Variants in ZNRF3 observed in about 807,000 individuals in gnomAD.
ZNRF3 encodes zinc and ring finger 3, also known as E3 ubiquitin-protein ligase ZNRF3.
Under a neutral mutation model 72.5 loss-of-function variants are expected in ZNRF3, and 23 were observed. The ratio of observed to expected loss-of-function variants is 0.32; its 90% CI spans 0.23 to 0.45. The LOEUF is 0.45. Among genes scored for constraint, ZNRF3 ranks in the 20% least tolerant of loss-of-function variants. The pLI is 1.00. For missense variants in ZNRF3, 1,169 were observed against 1,272.1 expected, an observed-to-expected ratio of 0.92 and a Z score of 1.23; for synonymous variants, 610 against 545.3, an observed-to-expected ratio of 1.12 and a Z score of -1.65.
intron 1 of ZNRF3, 81 bp downstream of exon 1, chr22:28,884,147 G>A: frequency 9.9e-7 from 1 of 1,011,998 alleles, no homozygotes; most frequent in Non-Finnish European, 1.2e-6. Flanking sequence ...CCCGCCGCGG[G>A]CTGCCTGACT....
chr22:29,044,686 C>A, intron 4 of ZNRF3, 94 bp from the exon 5 acceptor site: 1 of 846,348 alleles, frequency 1.2e-6, no homozygotes, highest in Non-Finnish European at 2.0e-6. Context: ...ATCCCGGTCA[C>A]CCCATCTTTA....
chr22:28,967,491 G>A (rs1003632872), intron 1 of ZNRF3, among the ~76,000 whole-genome samples: 3 of 152,224 alleles, frequency 2.0e-5, no homozygotes, highest in Non-Finnish European at 2.9e-5. Flanking sequence ...AAGTAGAACC[G>A]TGGACAGAAA....
At chr22:29,016,269 T>C (rs2064084) in intron 2 of ZNRF3, among the ~76,000 whole-genome samples, 81,396 of 151,940 alleles carry the variant, frequency 0.54, 22,072 homozygotes, top group African/African-American at 0.6. Flanking sequence ...GGTGAAGTGG[T>C]ATGTGACTGC....
At chr22:29,034,667 C>T (rs2036831868) in intron 2 of ZNRF3, among the ~76,000 whole-genome samples, 1 of 152,202 alleles carries the variant, frequency 6.6e-6, no homozygotes, top group African/African-American at 2.4e-5. Flanking sequence ...AGTAGATGCA[C>T]TTTGGGAAAG....
At chr22:28,974,383 C>T (rs1180818383) in intron 1 of ZNRF3, among the ~76,000 whole-genome samples, 1 of 152,176 alleles carries the variant, frequency 6.6e-6, no homozygotes, top group Non-Finnish European at 1.5e-5. Context: ...TTTTGGTCAC[C>T]TGTCCTGTCA....
At chr22:29,023,078 T>A (rs181626877) in intron 2 of ZNRF3, among the ~76,000 whole-genome samples, 13 of 152,338 alleles carry the variant, frequency 8.5e-5, no homozygotes, top group Non-Finnish European at 1.9e-4. Context: ...TCAAATTTCC[T>A]GGTACAGGAA....
At chr22:28,937,216 T>TATATATATATATA (rs1491324971) in intron 1 of ZNRF3, among the ~76,000 whole-genome samples, 8 of 2,162 alleles carry the variant, frequency 3.7e-3, no homozygotes, top group Admixed American at 0.018. Context: ...TATATATATA[T>TATATATATATATA]TTTTTTTTTT....
intron 2 of ZNRF3, among the ~76,000 whole-genome samples, chr22:29,039,522 G>T (rs985708143): frequency 6.6e-6 from 1 of 152,116 alleles, no homozygotes; most frequent in African/African-American, 2.4e-5. Context: ...GCCCTTCTAT[G>T]TCTGGAGAAG....
chr22:29,032,851 A>G (rs2036788132), intron 2 of ZNRF3, among the ~76,000 whole-genome samples: 1 of 152,234 alleles, frequency 6.6e-6, no homozygotes, highest in Admixed American at 6.5e-5. Flanking sequence ...GTAAACAATG[A>G]CAGTGTGATG....
chr22:29,049,854 G>A lies in ZNRF3; in HGVS notation c.1673G>A (p.Gly558Asp). Residue 558 changes from glycine (G) to aspartate (D), a missense_variant, in exon 8 of 9, where the codon GGC becomes GAC. By Grantham distance (94) the Gly-to-Asp change is moderately conservative. Around this residue, in one of 2 missense-constraint regions of ZNRF3, gnomAD observed 783 missense variants for 731.4 expected, o/e 1.07. Transcript: ENST00000544604. The surrounding 1 kb of genome is among the most constrained non-coding windows in gnomAD (Gnocchi z 5.2). ...GACAGCAGCAGCAGCAGCAGCTCCG[G>A]CCAGTGCCACTGTTCCTCCAGTGAC... ...GSDSSSSSSS[G>D]QCHCSSSDSV... 1 of 1,607,458 alleles carries A rather than the reference G, an allele frequency of 6.2e-7. No individual in the cohort carries two copies. The highest frequency in any genetic ancestry group is 1.1e-5 in the South Asian group (1 of 90,340).
chr22:28,920,485 T>C (rs1466167920), intron 1 of ZNRF3, among the ~76,000 whole-genome samples: 1 of 150,956 alleles, frequency 6.6e-6, no homozygotes, highest in African/African-American at 2.4e-5. Flanking sequence ...TGGCCAGGCT[T>C]GTCTCGAACT....
chr22:29,047,667 A>G (rs1317705189), intron 6 of ZNRF3, among the ~76,000 whole-genome samples: 2 of 152,164 alleles, frequency 1.3e-5, no homozygotes, highest in Non-Finnish European at 2.9e-5. Flanking sequence ...TCCAGGGTAG[A>G]CCCTTTGTCA....
intron 2 of ZNRF3, among the ~76,000 whole-genome samples, chr22:29,028,451 G>C (rs2036685486): frequency 6.6e-6 from 1 of 152,128 alleles, no homozygotes; most frequent in Admixed American, 6.5e-5. Context: ...AGAGCTATCT[G>C]GAATTTCCTT....
At chr22:29,003,051 G>A (rs997282439) in intron 2 of ZNRF3, among the ~76,000 whole-genome samples, 4 of 152,156 alleles carry the variant, frequency 2.6e-5, no homozygotes, top group African/African-American at 7.2e-5. Context: ...TTTGTTTGAT[G>A]TTTTAGCACC....
intron 1 of ZNRF3, among the ~76,000 whole-genome samples, chr22:28,921,009 C>T (rs977554298): frequency 2.0e-5 from 3 of 152,254 alleles, no homozygotes; most frequent in Non-Finnish European, 4.4e-5. Context: ...CATGCTTCTC[C>T]TTTTCACCTG....
intron 2 of ZNRF3, among the ~76,000 whole-genome samples, chr22:29,005,753 G>A (rs2036230518): frequency 2.0e-5 from 3 of 152,128 alleles, no homozygotes; most frequent in Non-Finnish European, 4.4e-5. Context: ...GATCTTGGAG[G>A]GCTGCTACAT....
chr22:28,989,167 C>A (rs1216943667), intron 2 of ZNRF3, among the ~76,000 whole-genome samples: 3 of 152,186 alleles, frequency 2.0e-5, no homozygotes, highest in Non-Finnish European at 4.4e-5. Context: ...AAGCAGCAGC[C>A]CCCACGTTTC....
chr22:29,035,054 G>T (rs2036842359), intron 2 of ZNRF3, among the ~76,000 whole-genome samples: 1 of 145,972 alleles, frequency 6.9e-6, no homozygotes, highest in Non-Finnish European at 1.5e-5. Flanking sequence ...ATATTGGCCA[G>T]GCTGGTCTCA....
intron 8 of ZNRF3, 129 bp downstream of exon 8, chr22:29,051,077 C>T: frequency 9.3e-7 from 1 of 1,076,786 alleles, no homozygotes; most frequent in South Asian, 1.8e-5. Flanking sequence ...AGGCTGAAGA[C>T]TTCCAAGGGT....
Sources: gnomAD v4.1 joint callset for allele counts (sites outside exome capture counted in the v4.1 genomes callset) on GRCh38, gnomAD v4.1.1 for gene constraint, gnomAD v4.1.1 regional missense constraint, Gnocchi (gnomAD v3.1) non-coding constraint, MANE v1.5 for transcripts, NCBI Gene and HGNC (gene_info 2026-07-23, HGNC 2026-07-21) for gene names.